GLYR1: variants seen among roughly 807,000 people sequenced by gnomAD.
GLYR1 encodes the protein glyoxylate reductase 1 homolog.
GLYR1 carries 21 observed loss-of-function variants against 72.7 expected under a neutral mutation model. The ratio of observed to expected loss-of-function variants is 0.29; its 90% CI spans 0.20 to 0.42. The LOEUF (loss-of-function observed/expected upper bound fraction) is 0.42, where lower values mean the gene tolerates loss of function less well. Among genes scored for constraint, GLYR1 ranks in the 10% least tolerant of loss-of-function variants. The pLI is 1.00. For synonymous variants in GLYR1, 392 were observed against 270.2 expected, an observed-to-expected ratio of 1.45 and a Z score of -4.42; for missense variants, 594 against 712.1, an observed-to-expected ratio of 0.83 and a Z score of 1.89.
At chr16:4,820,380 A>T (rs1312154522) in intron 9 of GLYR1, among the ~76,000 whole-genome samples, 1 of 152,242 alleles carries the variant, frequency 6.6e-6, no homozygotes, top group Non-Finnish European at 1.5e-5. Context: ...GTTGGGCAAC[A>T]ACAAAACTGG....
chr16:4,827,102 C>G (rs1254783333), intron 5 of GLYR1, among the ~76,000 whole-genome samples: 1 of 152,242 alleles, frequency 6.6e-6, no homozygotes, highest in East Asian at 1.9e-4. Context: ...AGACGCAAAC[C>G]CAGCCTTTCC....
intron 3 of GLYR1, among the ~76,000 whole-genome samples, chr16:4,841,651 G>GAACAACAACAACAAC (rs140268529): frequency 1.1e-4 from 16 of 149,988 alleles, no homozygotes; most frequent in Admixed American, 3.3e-4. Context: ...AACCAAACAA[G>GAACAACAACAACAAC]AACAACAACA....
At chr16:4,834,250 C>T (rs1379040791) in intron 3 of GLYR1, among the ~76,000 whole-genome samples, 1 of 150,876 alleles carries the variant, frequency 6.6e-6, no homozygotes, top group African/African-American at 2.4e-5. Flanking sequence ...GATACAGAAG[C>T]TGGTCTCCCT....
At chr16:4,808,021 A>G (rs1285875941) in intron 15 of GLYR1, among the ~76,000 whole-genome samples, 1 of 152,150 alleles carries the variant, frequency 6.6e-6, no homozygotes, top group Non-Finnish European at 1.5e-5. Flanking sequence ...GGATTACTTG[A>G]GGCCAGGAGT....
intron 5 of GLYR1, among the ~76,000 whole-genome samples, chr16:4,825,573 C>T (rs1389539275): frequency 6.6e-6 from 1 of 152,126 alleles, no homozygotes; most frequent in Admixed American, 6.5e-5. Context: ...TTACTATGTG[C>T]TAGACATCAC....
At chr16:4,833,294 C>T (rs1180589588) in intron 3 of GLYR1, 1 of 160,060 alleles carries the variant, frequency 6.2e-6, no homozygotes, top group Non-Finnish European at 1.4e-5. Context: ...CCAGGCAGCA[C>T]AAATGGCCAC....
At chr16:4,836,229 T>C (rs910311621) in intron 3 of GLYR1, among the ~76,000 whole-genome samples, 1 of 152,196 alleles carries the variant, frequency 6.6e-6, no homozygotes, top group African/African-American at 2.4e-5. Flanking sequence ...ACTGGGTAAA[T>C]GATTCCTTCC....
intron 3 of GLYR1, among the ~76,000 whole-genome samples, chr16:4,838,735 C>T (rs531440919): frequency 1.3e-5 from 2 of 152,066 alleles, no homozygotes; most frequent in East Asian, 1.9e-4. Flanking sequence ...TACAGGTGCC[C>T]GCCACCACGC....
Position 4,821,492 on chromosome 16 carries a change from T to C in GLYR1, c.733-39A>G, listed in dbSNP as rs998073522. Reference sequence around the variant, plus strand: ...GCACACATCATCAAGTCAGTCTGCCTGCAGTTTAAGGCCCCAGGTGAAAAT... The same window carrying C: ...GCACACATCATCAAGTCAGTCTGCCCGCAGTTTAAGGCCCCAGGTGAAAAT... On this transcript the variant is annotated intron_variant, in intron 8 of 15. Transcript: ENST00000321919. 11 of 1,613,906 alleles carry C rather than the reference T, an allele frequency of 6.8e-6. No individual in the cohort carries two copies. In the African/African-American group the frequency reaches 1.3e-4, roughly 20 times the overall value.
rs1233762008 is a variant in GLYR1, at chr16:4,846,767, C to G, written c.38+461G>C. 3 of 237,388 alleles carry G rather than the reference C, an allele frequency of 1.3e-5. No individual in the cohort carries two copies. The East Asian group carries it at 4.0e-4, about 32-fold the overall frequency. The allele number at this position is 237,388 out of a possible 1,614,324, so 14.7% of individuals were successfully genotyped here. On this transcript the variant is annotated intron_variant, in intron 1 of 15. Coordinates refer to ENST00000321919, the MANE Select transcript of GLYR1 (RefSeq NM_032569.4). ...TTCTTCGCGGGGCAACGCCAGCAGT[C>G]CGGTTTAGACAACCCCGGCTGAGCC...
intron 5 of GLYR1, among the ~76,000 whole-genome samples, chr16:4,826,475 G>C (rs768656396): frequency 6.6e-6 from 1 of 152,300 alleles, no homozygotes; most frequent in South Asian, 2.1e-4. Flanking sequence ...AACTCTGCCA[G>C]TCTGGCCTAC....
chr16:4,816,101 C>T (rs926338631), intron 10 of GLYR1, among the ~76,000 whole-genome samples: 13 of 151,990 alleles, frequency 8.6e-5, no homozygotes, highest in Admixed American at 4.6e-4. Flanking sequence ...TCCTGATTAC[C>T]GAATATTTTT....
chr16:4,806,538 AT>A (rs375535581), intron 15 of GLYR1, among the ~76,000 whole-genome samples: 1 of 145,234 alleles, frequency 6.9e-6, no homozygotes, highest in Non-Finnish European at 1.5e-5. Context: ...CTAGTTTTTT[AT>A]TTTTTTTTGT....
chr16:4,819,526 G>C (rs1471155468), intron 9 of GLYR1, among the ~76,000 whole-genome samples: 1 of 152,120 alleles, frequency 6.6e-6, no homozygotes, highest in African/African-American at 2.4e-5. Flanking sequence ...TCCTAGGCTG[G>C]TCATGAACTC....
intron 12 of GLYR1, among the ~76,000 whole-genome samples, 195 bp from the exon 13 acceptor site, chr16:4,812,443 C>T (rs2083371631): frequency 6.6e-6 from 1 of 152,082 alleles, no homozygotes; most frequent in Non-Finnish European, 1.5e-5. Flanking sequence ...CAGGCCGAAT[C>T]ACAGCAGTGA....
chr16:4,825,155 G>C (rs2084298459), intron 5 of GLYR1, among the ~76,000 whole-genome samples: 1 of 152,182 alleles, frequency 6.6e-6, no homozygotes, highest in African/African-American at 2.4e-5. Context: ...GGGCCAATCA[G>C]ATTATGATGC....
intron 15 of GLYR1, among the ~76,000 whole-genome samples, chr16:4,805,644 C>T (rs983402744): frequency 1.3e-5 from 2 of 152,124 alleles, no homozygotes; most frequent in Admixed American, 1.3e-4. Context: ...AGTTCGAGAC[C>T]AGCCAGGCCA....
intron 5 of GLYR1, among the ~76,000 whole-genome samples, chr16:4,826,361 C>T (rs886838208): frequency 3.3e-5 from 5 of 152,200 alleles, no homozygotes; most frequent in Non-Finnish European, 7.3e-5. Flanking sequence ...CTACCTCGGC[C>T]TTCCAAAGTG....
chr16:4,827,742 C>T (rs2084487877), intron 5 of GLYR1, among the ~76,000 whole-genome samples: 1 of 151,894 alleles, frequency 6.6e-6, no homozygotes, highest in Non-Finnish European at 1.5e-5. Context: ...CTACTAAAAA[C>T]ACAAAAAATT....
Sources: gnomAD v4.1 joint callset for allele counts (sites outside exome capture counted in the v4.1 genomes callset) on GRCh38, gnomAD v4.1.1 for gene constraint, MANE v1.5 for transcripts, NCBI Gene and HGNC (gene_info 2026-07-23, HGNC 2026-07-21) for gene names.